Variants in GRIK3 observed in about 807,000 individuals in gnomAD.
GRIK3 encodes the protein glutamate receptor ionotropic, kainate 3.
Under a neutral mutation model 102.5 loss-of-function variants are expected in GRIK3, and 29 were observed. That is an observed-to-expected ratio of 0.28 (90% confidence interval 0.21 to 0.39). GRIK3 has a LOEUF of 0.39. Among genes scored for constraint, GRIK3 ranks in the 10% least tolerant of loss-of-function variants. The pLI, the probability that GRIK3 is intolerant of heterozygous loss-of-function variation, is 1.00. For missense variants in GRIK3, 908 were observed against 1,252.4 expected (o/e 0.73, Z 4.15); for synonymous variants, 511 against 504.9 (o/e 1.01, Z -0.16).
At chr1:36,987,527 A>G (rs528672872) in intron 1 of GRIK3, among the ~76,000 whole-genome samples, 1 of 152,004 alleles carries the variant, frequency 6.6e-6, no homozygotes, top group African/African-American at 2.4e-5. Flanking sequence ...CATATAGACT[A>G]CCTCCCAGGA....
At chr1:36,993,995 T>C (rs1642389467) in intron 1 of GRIK3, among the ~76,000 whole-genome samples, 5 of 152,250 alleles carry the variant, frequency 3.3e-5, no homozygotes. Context: ...TCCTAATACA[T>C]ACCCTGCCAG....
intron 1 of GRIK3, among the ~76,000 whole-genome samples, chr1:36,908,456 G>T (rs1013009031): frequency 2.6e-5 from 4 of 152,152 alleles, no homozygotes; most frequent in African/African-American, 9.7e-5. Flanking sequence ...TGATTGTCCT[G>T]GGTTCTGATC....
At chr1:36,965,974 C>T (rs1642073641) in intron 1 of GRIK3, among the ~76,000 whole-genome samples, 1 of 152,150 alleles carries the variant, frequency 6.6e-6, no homozygotes, top group Non-Finnish European at 1.5e-5. Context: ...ATCTGCCCTT[C>T]GAGGGATAAG....
intron 1 of GRIK3, among the ~76,000 whole-genome samples, chr1:36,962,387 C>A (rs915538954): frequency 2.0e-4 from 30 of 152,172 alleles, no homozygotes; most frequent in African/African-American, 7.2e-4. Context: ...CTGGGGCTCC[C>A]TCTGGTATCC....
chr1:36,827,924 G>A (rs1642771706), intron 10 of GRIK3, among the ~76,000 whole-genome samples: 2 of 152,172 alleles, frequency 1.3e-5, no homozygotes, highest in African/African-American at 2.4e-5. Context: ...TAGGGAGGAG[G>A]AGCCTATTAG....
rs755879992 is a variant in GRIK3, at chr1:36,802,005, G to A, written c.2606C>T (p.Ser869Phe). Residue 869 changes from serine (S) to phenylalanine (F), a missense_variant, in exon 16 of 16, where the codon TCC becomes TTC. This residue lies in a region of GRIK3 where 297 missense variants were observed against 362.7 expected (regional missense o/e 0.82). Transcript: ENST00000373091. ...CTTGACTCGACGCTGGCAGGTAAGG[G>A]AGAAACGGATCTCATCGGCCACGGT... ...CSTVADEIRF[S>F]LTCQRRVKHK... 1.2e-6 allele frequency: 2 copies of A among 1,613,864 alleles called. No homozygotes were observed. The highest frequency in any genetic ancestry group is 2.2e-5 in the South Asian group (2 of 91,050).
At chr1:36,898,302 A>G (rs926710164) in intron 1 of GRIK3, among the ~76,000 whole-genome samples, 1 of 152,218 alleles carries the variant, frequency 6.6e-6, no homozygotes, top group Non-Finnish European at 1.5e-5. Context: ...TTTGTAACAC[A>G]AGGATAAATA....
intron 1 of GRIK3, among the ~76,000 whole-genome samples, chr1:36,916,444 AT>A (rs1641401614): frequency 6.6e-6 from 1 of 152,130 alleles, no homozygotes; most frequent in Non-Finnish European, 1.5e-5. Flanking sequence ...CCCCAAGACA[AT>A]GGGGAAAATG....
intron 1 of GRIK3, among the ~76,000 whole-genome samples, chr1:36,940,624 C>T (rs1440918425): frequency 6.6e-6 from 1 of 152,180 alleles, no homozygotes; most frequent in Non-Finnish European, 1.5e-5. Flanking sequence ...AACCTTGGGG[C>T]CTGCCTCCCG....
At chr1:36,891,124 G>A in intron 1 of GRIK3, 28 bp from the exon 2 acceptor site, 3 of 1,579,106 alleles carry the variant, frequency 1.9e-6, no homozygotes, top group Non-Finnish European at 1.7e-6. Context: ...AATTGTGTGT[G>A]GTTGGGAGGA....
chr1:36,813,382 T>A (rs1288041465), intron 13 of GRIK3, among the ~76,000 whole-genome samples: 1 of 152,218 alleles, frequency 6.6e-6, no homozygotes, highest in East Asian at 1.9e-4. Context: ...CTCCTAGACA[T>A]CTGATGGCTC....
chr1:36,965,794 A>G (rs1642072104), intron 1 of GRIK3, among the ~76,000 whole-genome samples: 1 of 152,202 alleles, frequency 6.6e-6, no homozygotes, highest in African/African-American at 2.4e-5. Flanking sequence ...GGGTAATTTA[A>G]GCAAAAATAC....
At chr1:36,894,742 A>T (rs1241707801) in intron 1 of GRIK3, among the ~76,000 whole-genome samples, 1 of 152,010 alleles carries the variant, frequency 6.6e-6, no homozygotes, top group Non-Finnish European at 1.5e-5. Context: ...AGAGACAAAA[A>T]CCTCAGGGGA....
chr1:36,943,745 T>C (rs983795194), intron 1 of GRIK3, among the ~76,000 whole-genome samples: 2 of 152,250 alleles, frequency 1.3e-5, no homozygotes, highest in Admixed American at 1.3e-4. Context: ...TCTACTCTTA[T>C]CCTGTGGGCA....
intron 12 of GRIK3, among the ~76,000 whole-genome samples, chr1:36,817,942 C>G (rs1386382656): frequency 1.3e-5 from 2 of 152,186 alleles, no homozygotes; most frequent in Non-Finnish European, 2.9e-5. Flanking sequence ...TTTTGAAGCT[C>G]TTTGCCGAAA....
chr1:36,919,108 A>G (rs940989211), intron 1 of GRIK3, among the ~76,000 whole-genome samples: 18 of 152,198 alleles, frequency 1.2e-4, no homozygotes, highest in Non-Finnish European at 2.1e-4. Flanking sequence ...AATGCAGCCA[A>G]TGTCCACTGG....
intron 1 of GRIK3, among the ~76,000 whole-genome samples, chr1:37,031,129 G>A (rs1557470320): frequency 6.6e-6 from 1 of 152,150 alleles, no homozygotes; most frequent in Non-Finnish European, 1.5e-5. Context: ...TAATAACGAC[G>A]ATAATAATAA....
At chr1:36,854,156 G>A (rs551701451) in intron 7 of GRIK3, among the ~76,000 whole-genome samples, 3 of 152,290 alleles carry the variant, frequency 2.0e-5, no homozygotes, top group South Asian at 4.1e-4. Flanking sequence ...AAAGGCAGGG[G>A]AGACCGAAAT....
rs1642432506 is a variant in GRIK3, at chr1:36,800,820, C to T, written c.*1031G>A. 6.7e-6 allele frequency: 1 copy of T among 149,082 alleles called. No individual in the cohort carries two copies. The highest frequency in any genetic ancestry group is 6.6e-5 in the Admixed American group (1 of 15,160). 9.2% of individuals were successfully genotyped at this position (149,082 alleles called of 1,614,324 possible). On this transcript the variant is annotated 3_prime_UTR_variant, in exon 16 of 16. Coordinates refer to ENST00000373091, the MANE Select transcript of GRIK3 (RefSeq NM_000831.4). ...TTGACTTTCACTTCAACCAACTCTT[C>T]TTTCAAAAAGACAGAGTGAGGCCAA... is the stretch of plus-strand genomic sequence containing the variant.
Sources: allele counts gnomAD v4.1 joint callset (sites outside exome capture counted in the v4.1 genomes callset), GRCh38; gene constraint gnomAD v4.1.1; regional missense constraint gnomAD v4.1.1; transcripts MANE v1.5; gene names NCBI Gene and HGNC (gene_info 2026-07-23, HGNC 2026-07-21).